The following TOP1MT variants were observed in gnomAD, a reference collection of about 807,000 sequenced individuals.
TOP1MT encodes the protein DNA topoisomerase I mitochondrial.
TOP1MT carries 80 observed loss-of-function variants against 73.9 expected under a neutral mutation model. The observed-to-expected ratio is 1.08, with a 90% CI of 0.90 to 1.30. The LOEUF (loss-of-function observed/expected upper bound fraction) is 1.30, where lower values mean the gene tolerates loss of function less well. Among genes scored for constraint, TOP1MT ranks in the 50% most tolerant of loss-of-function variants. The pLI is 0.00. For synonymous variants in TOP1MT, 338 were observed against 326.4 expected (o/e 1.04, Z -0.38); for missense variants, 815 against 808.0 (o/e 1.01, Z -0.10).
At chr8:143,326,624 C>T (rs1816715713) in intron 3 of TOP1MT, among the ~76,000 whole-genome samples, 1 of 152,210 alleles carries the variant, frequency 6.6e-6, no homozygotes, top group South Asian at 2.1e-4. Context: ...AGTAGTAAAA[C>T]TGGCTAAAAC....
At chr8:143,321,902 A>C (rs1167914564) in intron 7 of TOP1MT, among the ~76,000 whole-genome samples, 2 of 29,450 alleles carry the variant, frequency 6.8e-5, no homozygotes, top group African/African-American at 2.2e-4. Flanking sequence ...CAGGCACGCC[A>C]CACACACAGG....
chr8:143,348,629 G>T (rs922905348), upstream of TOP1MT, among the ~76,000 whole-genome samples: 4 of 152,136 alleles, frequency 2.6e-5, no homozygotes, highest in African/African-American at 7.2e-5. This position sits in a 1 kb window ranked among gnomAD's most constrained non-coding sequence, Gnocchi z 4.6. Flanking sequence ...GGGCCCTCCA[G>T]GTGGGCCTGA....
chr8:143,325,490 T>A lies in TOP1MT; in HGVS notation c.527A>T (p.Tyr176Phe). ...TTCTTGGTGACCATCTAAAATACAGTAGCCGAACTCTTGCTGAAGTTTTTC... is the reference window on the plus strand; with the variant it reads ...TTCTTGGTGACCATCTAAAATACAGAAGCCGAACTCTTGCTGAAGTTTTTC... The part of the protein sequence containing the change: ...EAEKLQQEFG[Y>F]CILDGHQEKI... The change falls in exon 5 of 14, where the codon TAC (tyrosine) becomes TTC (phenylalanine). Residue 176 changes from tyrosine to phenylalanine, a missense_variant. Tyr to Phe is a conservative substitution (Grantham distance 22). Coordinates refer to ENST00000329245, the MANE Select transcript of TOP1MT (RefSeq NM_052963.3). 1 of 1,612,098 alleles carries A rather than the reference T, an allele frequency of 6.2e-7. No homozygotes were observed. The highest frequency in any genetic ancestry group is 8.5e-7 in the Non-Finnish European group (1 of 1,178,236).
At chr8:143,328,296 A>G (rs538021423) in intron 3 of TOP1MT, 4 of 455,260 alleles carry the variant, frequency 8.8e-6, no homozygotes, top group Admixed American at 2.4e-5. Context: ...CATTCACAGC[A>G]TGTGCGTCTG....
intron 8 of TOP1MT, among the ~76,000 whole-genome samples, chr8:143,320,389 C>T (rs1359407507): frequency 4.6e-5 from 7 of 152,108 alleles, no homozygotes; most frequent in African/African-American, 1.4e-4. Flanking sequence ...CTTGGCCTCC[C>T]AAAGTGCTGG....
chr8:143,322,942 GCCACA>G (rs1816543632), intron 7 of TOP1MT, among the ~76,000 whole-genome samples: 1 of 62,786 alleles, frequency 1.6e-5, no homozygotes, highest in African/African-American at 5.4e-5. Flanking sequence ...ACACAGGCAC[GCCACA>G]CACGCCACAC....
At chr8:143,330,497 T>C (rs1816824330) in intron 2 of TOP1MT, among the ~76,000 whole-genome samples, 1 of 152,150 alleles carries the variant, frequency 6.6e-6, no homozygotes, top group African/African-American at 2.4e-5. Flanking sequence ...GAACAAAACA[T>C]TGCATCAAAG....
In TOP1MT at chr8:143,316,057, T is replaced by C. The variant is rs542954064; in HGVS notation, c.1400A>G (p.Asn467Ser). 107 of 1,614,176 alleles carry C rather than the reference T, an allele frequency of 6.6e-5. 1 individual carries two copies. The South Asian group carries it at 1.0e-3, about 16-fold the overall frequency. Residue 467 changes from asparagine (N) to serine (S), a missense_variant, in exon 11 of 14, where the codon AAC becomes AGC. Transcript: ENST00000329245. ...CGTACTGGGGGTTGCTCGCTGATGG[T>C]TGCAGAGAATGGCCACGACTCGGTT... ...RANRVVAILCNHQRATPSTFE... is the reference protein window; with the variant it reads ...RANRVVAILCSHQRATPSTFE...
intron 12 of TOP1MT, among the ~76,000 whole-genome samples, chr8:143,314,020 G>A (rs1178159981): frequency 6.6e-6 from 1 of 152,172 alleles, no homozygotes; most frequent in Admixed American, 6.5e-5. Flanking sequence ...ACAAGCACCT[G>A]CAAAGAGCAC....
upstream of TOP1MT, chr8:143,358,701 G>C (rs1017198053): frequency 6.6e-6 from 1 of 152,398 alleles, no homozygotes; most frequent in East Asian, 1.9e-4. Context: ...CAGGGCCCTG[G>C]GGTGAGCAGC....
chr8:143,339,210 T>G (rs963020282), upstream of TOP1MT, among the ~76,000 whole-genome samples: 11 of 152,228 alleles, frequency 7.2e-5, no homozygotes, highest in Non-Finnish European at 1.0e-4. Flanking sequence ...ACAGTGACTT[T>G]GACCTTAACA....
upstream of TOP1MT, chr8:143,334,952 C>T: frequency 1.7e-6 from 2 of 1,163,004 alleles, no homozygotes; most frequent in South Asian, 3.5e-5. Flanking sequence ...CCCCCGAGCG[C>T]GGCCTCCGCC....
At chr8:143,359,408 G>C, upstream of TOP1MT, 1 of 985,404 alleles carries the variant, frequency 1.0e-6, no homozygotes, top group Non-Finnish European at 1.2e-6. Flanking sequence ...CGTCACTCTG[G>C]GGCAGAAGAC....
At chr8:143,339,422 C>T (rs1817036500), upstream of TOP1MT, among the ~76,000 whole-genome samples, 2 of 152,322 alleles carry the variant, frequency 1.3e-5, no homozygotes, top group Admixed American at 1.3e-4. Flanking sequence ...CCACTTGTGG[C>T]CATGTGACCT....
At chr8:143,317,620 G>A (rs1315456846) in intron 10 of TOP1MT, 103 bp downstream of exon 10, 7 of 987,686 alleles carry the variant, frequency 7.1e-6, no homozygotes, top group Middle Eastern at 3.3e-4. Flanking sequence ...CCAAAGAAGC[G>A]GCCCCACCCC....
Position 143,314,588 on chromosome 8 carries a change from C to CAAA in TOP1MT, c.1553+1136_1553+1138dup, listed in dbSNP as rs57418152. On this transcript the variant is annotated intron_variant, in intron 12 of 13. Transcript: ENST00000329245. ...CAGCCTGGCGACAGAGACTCCATCT[C>CAAA]AAAAAAAAAAAAAAAAAAATCACAA... 5.9e-3 allele frequency among the ~76,000 whole-genome samples: 585 copies of CAAA among 99,628 alleles called. 16 individuals carry two copies. The highest frequency in any genetic ancestry group is 0.038 in the South Asian group (107 of 2,832). The allele number at this position is 99,628 out of a possible 152,430, so 65.4% of individuals were successfully genotyped here.
chr8:143,313,703 A>G (rs2129877942), intron 12 of TOP1MT, among the ~76,000 whole-genome samples: 1 of 151,524 alleles, frequency 6.6e-6, no homozygotes, highest in South Asian at 2.1e-4. Flanking sequence ...AAATACAAAA[A>G]AATTAGCCGG....
Position 143,341,090 on chromosome 8 carries a change from G to A in TOP1MT, c.29+2130C>T, listed in dbSNP as rs990689765. 3.3e-5 allele frequency among the ~76,000 whole-genome samples: 5 copies of A among 152,122 alleles called. 1 individual carries two copies. Among genetic ancestry groups the A allele is most frequent in the East Asian group, 3.9e-4 (2 of 5,188 alleles). On this transcript the variant is annotated intron_variant, in intron 2 of 5. Coordinates refer to the TOP1MT transcript ENST00000518007. This position sits in a 1 kb window ranked among gnomAD's most constrained non-coding sequence, Gnocchi z 4.1. Reference sequence around the variant, plus strand: ...CCCACGGCGGCCCCTGCACTCTTCCGCTCCCCACAGCTGAGGGTCTCAGGC... The same window carrying A: ...CCCACGGCGGCCCCTGCACTCTTCCACTCCCCACAGCTGAGGGTCTCAGGC...
rs749554843 is a variant in TOP1MT, at chr8:143,315,678, G to A, written c.1553+49C>T. 2.2e-5 allele frequency: 33 copies of A among 1,502,882 alleles called. No homozygotes were observed. In the East Asian group the frequency reaches 7.0e-4, roughly 32 times the overall value. The allele number at this position is 1,502,882 out of a possible 1,614,324, so 93.1% of individuals were successfully genotyped here. A position where few individuals can be genotyped will look rare whatever the true frequency, so the allele number is the denominator to read the frequency against. Reference sequence around the variant, plus strand: ...CGACCCTGTGGGGCTGGACCCTACGGGTTGGGACAGGGCCCCGGGAGAAGG... The same window carrying A: ...CGACCCTGTGGGGCTGGACCCTACGAGTTGGGACAGGGCCCCGGGAGAAGG... On this transcript the variant is annotated intron_variant, in intron 12 of 13. Coordinates refer to ENST00000329245, the MANE Select transcript of TOP1MT (RefSeq NM_052963.3).
Sources: gnomAD v4.1 joint callset for allele counts (sites outside exome capture counted in the v4.1 genomes callset) on GRCh38, gnomAD v4.1.1 for gene constraint, Gnocchi (gnomAD v3.1) non-coding constraint, MANE v1.5 for transcripts, NCBI Gene and HGNC (gene_info 2026-07-23, HGNC 2026-07-21) for gene names.